DEK: variants seen among roughly 807,000 people sequenced by gnomAD.
The protein encoded by DEK is protein DEK.
Under a neutral mutation model 46.8 loss-of-function variants are expected in DEK, and 28 were observed. The ratio of observed to expected loss-of-function variants is 0.60; its 90% CI spans 0.44 to 0.82. The LOEUF is 0.82. Ranked by LOEUF, DEK falls within the 40% of genes least tolerant of loss-of-function variation. The pLI is 0.00. For missense variants in DEK, 416 were observed against 430.6 expected (o/e 0.97, Z 0.30); for synonymous variants, 160 against 144.5 (o/e 1.11, Z -0.77).
chr6:18,256,307 A>G (rs1265004565), intron 5 of DEK, 54 bp downstream of exon 5: 6 of 1,478,980 alleles, frequency 4.1e-6, no homozygotes, highest in Non-Finnish European at 5.6e-6. Flanking sequence ...TTAACATTAA[A>G]AAATAAACTT....
At chr6:18,233,373 G>A (rs369969853) in intron 9 of DEK, among the ~76,000 whole-genome samples, 1 of 150,404 alleles carries the variant, frequency 6.6e-6, no homozygotes, top group Non-Finnish European at 1.5e-5. Flanking sequence ...AACTAAAGAG[G>A]TTCTGCACAG....
intron 6 of DEK, among the ~76,000 whole-genome samples, chr6:18,254,846 G>A (rs1167326058): frequency 6.6e-6 from 1 of 152,186 alleles, no homozygotes. Context: ...CCTTGCGTTT[G>A]TAGTTGTATA....
chr6:18,237,169 C>G, intron 8 of DEK: 4 of 415,340 alleles, frequency 9.6e-6, no homozygotes, highest in Non-Finnish European at 1.2e-5. Flanking sequence ...AGATATCTCT[C>G]TCTCTGTCTC....
chr6:18,252,883 A>C, intron 6 of DEK, among the ~76,000 whole-genome samples: 1 of 151,016 alleles, frequency 6.6e-6, no homozygotes, highest in South Asian at 2.1e-4. Context: ...ACACCAGCAG[A>C]AACAAACAAG....
At chr6:18,225,782 ATTT>A (rs1790095807) in intron 10 of DEK, 52 bp from the exon 11 acceptor site, 4 of 1,600,356 alleles carry the variant, frequency 2.5e-6, no homozygotes, top group Non-Finnish European at 3.4e-6. Context: ...CCTTTATCCC[ATTT>A]TTTCCACATC....
chr6:18,254,697 T>C (rs1256824543), intron 6 of DEK, among the ~76,000 whole-genome samples: 3 of 151,962 alleles, frequency 2.0e-5, no homozygotes, highest in East Asian at 3.9e-4. Flanking sequence ...ACCTAGTAAA[T>C]TGCTTCTGAG....
At chr6:18,246,825 T>C (rs1791138953) in intron 7 of DEK, among the ~76,000 whole-genome samples, 1 of 152,194 alleles carries the variant, frequency 6.6e-6, no homozygotes, top group Non-Finnish European at 1.5e-5. Context: ...AAAATCAATC[T>C]ACCCAAATTC....
intron 9 of DEK, among the ~76,000 whole-genome samples, chr6:18,234,285 T>G (rs1263216601): frequency 1.3e-5 from 2 of 150,776 alleles, no homozygotes; most frequent in African/African-American, 4.9e-5. Context: ...CATGGATATA[T>G]ATATATATAT....
intron 2 of DEK, among the ~76,000 whole-genome samples, chr6:18,261,024 G>T (rs1053689437): frequency 4.0e-5 from 6 of 151,260 alleles, no homozygotes; most frequent in Non-Finnish European, 5.9e-5. Flanking sequence ...CTCTACTAGG[G>T]CAGTGTGGAG....
rs916289847 is a variant in DEK at position 18,225,030 on chromosome 6, C to T, written c.*689G>A. The T allele has an allele frequency of 1.8e-4, 38 of 216,736 alleles. No individual in the cohort carries two copies. The highest frequency in any genetic ancestry group is 2.8e-5 in the Non-Finnish European group (3 of 107,526). 13.4% of individuals were successfully genotyped at this position (216,736 alleles called of 1,614,324 possible). A position where few individuals can be genotyped will look rare whatever the true frequency, so the allele number is the denominator to read the frequency against. On this transcript the variant is annotated 3_prime_UTR_variant, in exon 11 of 11. Transcript: ENST00000652689. The stretch of plus-strand genomic sequence containing the variant: ...ATCATACTGTTTGGCTGAACACTGA[C>T]ATTCCATAGTCTACAACTATAAAGA...
Position 18,264,522 on chromosome 6 carries a change from A to C in DEK, c.-147T>G, listed in dbSNP as rs775624816. Reference sequence around the variant, plus strand: ...CGCGCCGCGCGCTCGGCTCCCCAGAATCAACAAGATTTTCAAAATGGCGGT... The same window carrying C: ...CGCGCCGCGCGCTCGGCTCCCCAGACTCAACAAGATTTTCAAAATGGCGGT... On this transcript the variant is annotated 5_prime_UTR_variant, in exon 1 of 11. Coordinates refer to ENST00000652689, the MANE Select transcript of DEK (RefSeq NM_003472.4). The C allele has an allele frequency of 4.5e-6, 1 of 220,430 alleles. No homozygotes were observed. The highest frequency in any genetic ancestry group is 6.5e-5 in the South Asian group (1 of 15,392). 13.7% of individuals were successfully genotyped at this position (220,430 alleles called of 1,614,324 possible).
chr6:18,255,192 G>C (rs1412501435), intron 6 of DEK, among the ~76,000 whole-genome samples: 2 of 152,230 alleles, frequency 1.3e-5, no homozygotes, highest in Admixed American at 6.5e-5. Context: ...TTTAGGAAGA[G>C]TGAGAAAACT....
intron 6 of DEK, among the ~76,000 whole-genome samples, chr6:18,251,743 C>T (rs1791383089): frequency 6.6e-6 from 1 of 152,152 alleles, no homozygotes; most frequent in Admixed American, 6.5e-5. Flanking sequence ...GTTACATGAT[C>T]TCCAGGTCTC....
chr6:18,229,454 C>G (rs1790303738), intron 9 of DEK, among the ~76,000 whole-genome samples: 1 of 152,150 alleles, frequency 6.6e-6, no homozygotes, highest in Non-Finnish European at 1.5e-5. Flanking sequence ...TGTTCGAACC[C>G]ATCACAAAGA....
intron 7 of DEK, among the ~76,000 whole-genome samples, chr6:18,241,460 C>A (rs968388497): frequency 1.3e-5 from 2 of 152,206 alleles, no homozygotes; most frequent in African/African-American, 4.8e-5. Context: ...AAATCTTTCA[C>A]AATACCATCA....
intron 6 of DEK, among the ~76,000 whole-genome samples, chr6:18,253,152 T>C (rs796802857): frequency 6.6e-6 from 1 of 150,906 alleles, no homozygotes; most frequent in African/African-American, 2.4e-5. Flanking sequence ...CAGGCTGGAG[T>C]GCAGCAGCAC....
At position 18,225,537 on chromosome 6, in the gene DEK, A is replaced by C; in HGVS notation, c.*182T>G. 1.9e-6 allele frequency: 1 copy of C among 537,826 alleles called. No individual in the cohort carries two copies. The highest frequency in any genetic ancestry group is 3.2e-6 in the Non-Finnish European group (1 of 312,358). 33.3% of individuals were successfully genotyped at this position (537,826 alleles called of 1,614,324 possible). A position where few individuals can be genotyped will look rare whatever the true frequency, so the allele number is the denominator to read the frequency against. ...GATTTTAAACTAAAAATGGCATAGA[A>C]ATGCAATTTAAAACAGCAAACTCAA... On this transcript the variant is annotated 3_prime_UTR_variant, in exon 11 of 11. Transcript: ENST00000652689.
intron 4 of DEK, among the ~76,000 whole-genome samples, chr6:18,257,514 C>A (rs1243075730): frequency 6.6e-6 from 1 of 152,128 alleles, no homozygotes; most frequent in African/African-American, 2.4e-5. Flanking sequence ...GAGTTCAAGA[C>A]CAGCCTGGGC....
chr6:18,252,548 A>G (rs1381132177), intron 6 of DEK, among the ~76,000 whole-genome samples: 1 of 143,432 alleles, frequency 7.0e-6, no homozygotes, highest in African/African-American at 2.6e-5. Flanking sequence ...AAATAGCCTG[A>G]GCTCGATACT....
Sources: allele counts gnomAD v4.1 joint callset (sites outside exome capture counted in the v4.1 genomes callset), GRCh38; gene constraint gnomAD v4.1.1; transcripts MANE v1.5; gene names NCBI Gene and HGNC (gene_info 2026-07-23, HGNC 2026-07-21).